Variants in GLIS3 observed in about 807,000 individuals in gnomAD.
GLIS3 encodes zinc finger protein GLIS3.
In GLIS3, 53 loss-of-function variants were observed where a neutral mutation model predicts 78.6. That is an observed-to-expected ratio of 0.67 (90% CI 0.54 to 0.85). The LOEUF (loss-of-function observed/expected upper bound fraction) is 0.85. GLIS3 is among the 40% of genes least tolerant of loss of function. The probability of loss-of-function intolerance (pLI) is 0.00; values close to 1 mark genes in which losing one functional copy is unlikely to be tolerated. For synonymous variants in GLIS3, 684 were observed against 509.9 expected, an observed-to-expected ratio of 1.34 and a Z score of -4.60; for missense variants, 1,703 against 1,231.1, an observed-to-expected ratio of 1.38 and a Z score of -5.74.
chr9:4,458,140 C>T, the GLIS3 span, among the ~76,000 whole-genome samples: 1 of 152,066 alleles, frequency 6.6e-6, no homozygotes, highest in Non-Finnish European at 1.5e-5. Context: ...TCTCTGCCCT[C>T]CTGTCATGCC....
chr9:4,227,128 A>C (rs896382202), intron 2 of GLIS3, among the ~76,000 whole-genome samples: 3 of 152,240 alleles, frequency 2.0e-5, no homozygotes, highest in Non-Finnish European at 2.9e-5. Flanking sequence ...GCACAGAAGG[A>C]GGCACTGGAG....
chr9:4,023,572 T>TA (rs1823059834), intron 4 of GLIS3, among the ~76,000 whole-genome samples: 1 of 152,144 alleles, frequency 6.6e-6, no homozygotes, highest in African/African-American at 2.4e-5. Flanking sequence ...AGAGACGTGT[T>TA]AGATTTTGTG....
intron 2 of GLIS3, among the ~76,000 whole-genome samples, chr9:4,134,233 A>G (rs150518536): frequency 6.6e-5 from 10 of 152,286 alleles, no homozygotes; most frequent in African/African-American, 1.9e-4. Context: ...ATCACTTGCA[A>G]TTGAAGTTTT....
the GLIS3 span, among the ~76,000 whole-genome samples, chr9:4,432,329 T>G: frequency 6.6e-6 from 1 of 152,204 alleles, no homozygotes; most frequent in Admixed American, 6.5e-5. Flanking sequence ...TAGTTGATTC[T>G]TAAAGCTAGG....
intron 2 of GLIS3, among the ~76,000 whole-genome samples, chr9:4,338,889 G>T (rs1045220828): frequency 6.6e-6 from 1 of 152,078 alleles, no homozygotes; most frequent in African/African-American, 2.4e-5. Flanking sequence ...TTTTTTTAAA[G>T]CTCCCCAAGT....
At chr9:4,061,556 T>C (rs1826656915) in intron 4 of GLIS3, among the ~76,000 whole-genome samples, 1 of 152,166 alleles carries the variant, frequency 6.6e-6, no homozygotes, top group Admixed American at 6.6e-5. Flanking sequence ...GAACCTCATA[T>C]AAATAGCCAT....
intron 2 of GLIS3, among the ~76,000 whole-genome samples, chr9:4,231,463 A>C (rs993322984): frequency 6.6e-6 from 1 of 152,216 alleles, no homozygotes. Flanking sequence ...TGGAAAAAAA[A>C]TTATGAAGAT....
At chr9:3,898,978 CAG>C in intron 6 of GLIS3, 143 bp from the exon 7 acceptor site, 2 of 989,568 alleles carry the variant, frequency 2.0e-6, no homozygotes, top group South Asian at 2.8e-5. Flanking sequence ...CAGAGCTTAA[CAG>C]AGTGTCAATA....
At position 3,843,545 on chromosome 9, in the gene GLIS3, C is replaced by T. The variant is rs576012217; in HGVS notation, c.2473+12464G>A. 2.0e-5 allele frequency among the ~76,000 whole-genome samples: 3 copies of T among 152,298 alleles called. No individual in the cohort carries two copies. In the South Asian group the frequency reaches 6.2e-4, roughly 32 times the overall value. On this transcript the variant is annotated intron_variant, in intron 9 of 10. Transcript: ENST00000381971. ...TTATCTCCATCTGGCTACCAGGAAG[C>T]CTGCCTTTGTATCTTGTCAGGCATT...
At chr9:4,221,714 T>C (rs1005935953) in intron 2 of GLIS3, among the ~76,000 whole-genome samples, 2 of 152,132 alleles carry the variant, frequency 1.3e-5, no homozygotes, top group Non-Finnish European at 2.9e-5. Context: ...AAAGATAACA[T>C]ATGGAAACAC....
intron 4 of GLIS3, among the ~76,000 whole-genome samples, chr9:4,073,900 T>C (rs1827831918): frequency 6.6e-6 from 1 of 152,196 alleles, no homozygotes; most frequent in Non-Finnish European, 1.5e-5. Flanking sequence ...GTCTGATGTG[T>C]GTAAGTACAC....
At chr9:4,136,985 A>G (rs1266389359) in intron 2 of GLIS3, among the ~76,000 whole-genome samples, 2 of 152,208 alleles carry the variant, frequency 1.3e-5, no homozygotes, top group African/African-American at 4.8e-5. Context: ...TGCTATAGGT[A>G]GTGGCGCATC....
At chr9:4,200,524 A>C (rs1819283152) in intron 2 of GLIS3, among the ~76,000 whole-genome samples, 1 of 152,166 alleles carries the variant, frequency 6.6e-6, no homozygotes, top group South Asian at 2.1e-4. Flanking sequence ...GACTATTATG[A>C]ACACCTCTAT....
At chr9:4,138,590 T>C (rs1002470267) in intron 2 of GLIS3, among the ~76,000 whole-genome samples, 19 of 151,940 alleles carry the variant, frequency 1.3e-4, no homozygotes, top group Admixed American at 1.2e-3. Flanking sequence ...GCTGAGGAAG[T>C]ATTATGGAGG....
chr9:3,935,063 C>T (rs1286851771), intron 5 of GLIS3, among the ~76,000 whole-genome samples: 1 of 152,020 alleles, frequency 6.6e-6, no homozygotes, highest in Non-Finnish European at 1.5e-5. Flanking sequence ...CATTTTTCTA[C>T]AAATAAGGAA....
chr9:4,311,414 A>G lies in GLIS3; in HGVS notation n.265-886T>C, dbSNP rs986496585. On this transcript the variant is annotated intron_variant and non_coding_transcript_variant, in intron 2 of 4. Transcript: ENST00000471664. ...ACAGAGCAAGACTCTGTCTCAAAAA[A>G]GTAACTAAATAAAGTGTTTAGCTTT... 5.3e-5 allele frequency among the ~76,000 whole-genome samples: 8 copies of G among 152,214 alleles called. No individual in the cohort carries two copies. The East Asian group carries it at 9.6e-4, about 18-fold the overall frequency.
the GLIS3 span, among the ~76,000 whole-genome samples, chr9:4,484,404 ATTTTTTTTTTTTT>A: frequency 4.8e-4 from 24 of 49,768 alleles, no homozygotes; most frequent in South Asian, 4.5e-3. Context: ...TGCCAGGCTA[ATTTTTTTTTTTTT>A]TTTTTTTTTT....
At position 4,296,989 on chromosome 9, in the gene GLIS3, C is replaced by A. The variant is rs939208977; in HGVS notation, c.-99+2432G>T. 2.0e-5 allele frequency among the ~76,000 whole-genome samples: 3 copies of A among 151,322 alleles called. No individual in the cohort carries two copies. The East Asian group carries it at 5.8e-4, about 29-fold the overall frequency. Reference sequence around the variant, plus strand: ...CAAACTTTCTCAGAACGACCTTCATCGTGGCGGATTCTTTTTCTGCAAACC... The same window carrying A: ...CAAACTTTCTCAGAACGACCTTCATAGTGGCGGATTCTTTTTCTGCAAACC... On this transcript the variant is annotated intron_variant, in intron 1 of 10. Transcript: ENST00000381971.
intron 4 of GLIS3, among the ~76,000 whole-genome samples, chr9:4,034,079 A>T: frequency 6.6e-6 from 1 of 151,952 alleles, no homozygotes; most frequent in East Asian, 1.9e-4. Flanking sequence ...AAGTTAAAAA[A>T]TTGGCTGGGC....
Sources: gnomAD v4.1 joint callset for allele counts (sites outside exome capture counted in the v4.1 genomes callset) on GRCh38, gnomAD v4.1.1 for gene constraint, MANE v1.5 for transcripts, NCBI Gene and HGNC (gene_info 2026-07-23, HGNC 2026-07-21) for gene names.